The following CHL1 variants were observed in gnomAD, a reference collection of about 807,000 sequenced individuals.
The protein encoded by CHL1 is cell adhesion molecule L1 like.
Under a neutral mutation model 141.9 loss-of-function variants are expected in CHL1, and 96 were observed. The ratio of observed to expected loss-of-function variants is 0.68; its 90% CI spans 0.57 to 0.80. CHL1 has a LOEUF of 0.80. Ranked by LOEUF, CHL1 falls within the 30% of genes least tolerant of loss-of-function variation. CHL1 has a pLI of 0.00. For synonymous variants in CHL1, 613 were observed against 502.2 expected (o/e 1.22, Z -2.95); for missense variants, 1,820 against 1,457.2 (o/e 1.25, Z -4.05).
At chr3:233,563 A>G (rs1691624412) in intron 1 of CHL1, among the ~76,000 whole-genome samples, 1 of 152,114 alleles carries the variant, frequency 6.6e-6, no homozygotes, top group Admixed American at 6.6e-5. Flanking sequence ...TCTGCTTACC[A>G]CTTTCTTCCC....
chr3:263,249 A>G (rs1415725431), intron 2 of CHL1, among the ~76,000 whole-genome samples: 2 of 151,840 alleles, frequency 1.3e-5, no homozygotes, highest in African/African-American at 4.8e-5. Context: ...ACTCCTTGCC[A>G]GTTGTAAGAG....
chr3:378,819 A>G (rs76248730), intron 16 of CHL1, among the ~76,000 whole-genome samples: 1,526 of 152,154 alleles, frequency 0.01, 21 homozygotes, highest in African/African-American at 0.035. Context: ...TCCCACCACC[A>G]ATATTTCAAG....
intron 1 of CHL1, among the ~76,000 whole-genome samples, chr3:208,718 C>A (rs1213049394): frequency 6.6e-6 from 1 of 152,132 alleles, no homozygotes; most frequent in East Asian, 1.9e-4. Context: ...GTGGGGTTCA[C>A]AACTAACTCC....
intron 15 of CHL1, among the ~76,000 whole-genome samples, chr3:368,796 T>C (rs901698998): frequency 1.3e-5 from 2 of 152,212 alleles, no homozygotes; most frequent in Non-Finnish European, 2.9e-5. Flanking sequence ...GGGTTTACTT[T>C]CAGTTGTTTG....
chr3:204,769 C>G (rs1040055155), intron 1 of CHL1, among the ~76,000 whole-genome samples: 1 of 149,276 alleles, frequency 6.7e-6, no homozygotes, highest in Non-Finnish European at 1.5e-5. Flanking sequence ...CATTTCCATC[C>G]TTTCAGAAGA....
chr3:242,378 C>CCT (rs1417011416), intron 1 of CHL1, among the ~76,000 whole-genome samples: 2 of 140,834 alleles, frequency 1.4e-5, no homozygotes, highest in African/African-American at 2.6e-5. Flanking sequence ...GGGCAGATCA[C>CCT]GAGGTCAGGA....
chr3:261,377 G>C (rs73092565), intron 2 of CHL1, among the ~76,000 whole-genome samples: 1 of 150,442 alleles, frequency 6.6e-6, no homozygotes, highest in Non-Finnish European at 1.5e-5. Flanking sequence ...AAGGAAGGAG[G>C]GAGAGAGAGC....
At chr3:345,563 A>G (rs1702701197) in intron 9 of CHL1, among the ~76,000 whole-genome samples, 1 of 151,924 alleles carries the variant, frequency 6.6e-6, no homozygotes, top group Non-Finnish European at 1.5e-5. Flanking sequence ...AGCTCACTGC[A>G]ACCTCTGCCT....
rs761188035 is a variant in CHL1 at position 405,482 on chromosome 3, G to T, written c.3459-13G>T. ...AGATTTTGTTGAGCTATTTTTGTTT[G>T]TTTGTTTTCTAGTGACAGTGATGAA... On this transcript the variant is annotated splice_polypyrimidine_tract_variant and intron_variant, in intron 27 of 27. Transcript: ENST00000256509. 1.9e-6 allele frequency: 3 copies of T among 1,577,174 alleles called. No individual in the cohort carries two copies. The highest frequency in any genetic ancestry group is 1.1e-5 in the South Asian group (1 of 89,610).
chr3:338,948 A>G (rs1043313666), intron 5 of CHL1, among the ~76,000 whole-genome samples: 15 of 152,184 alleles, frequency 9.9e-5, no homozygotes, highest in African/African-American at 3.6e-4. Flanking sequence ...GGATTTATAC[A>G]TCTTATTAAT....
At chr3:282,990 C>A (rs1049634301) in intron 2 of CHL1, among the ~76,000 whole-genome samples, 2 of 152,152 alleles carry the variant, frequency 1.3e-5, no homozygotes, top group Non-Finnish European at 2.9e-5. Flanking sequence ...TTTGGGGCAT[C>A]TGGTGGTTTT....
chr3:325,716 C>T (rs1700952146), intron 3 of CHL1, among the ~76,000 whole-genome samples: 1 of 151,868 alleles, frequency 6.6e-6, no homozygotes, highest in Non-Finnish European at 1.5e-5. Flanking sequence ...CTATAAAAAT[C>T]ATTAAATTAT....
intron 1 of CHL1, among the ~76,000 whole-genome samples, chr3:215,786 G>T (rs973145162): frequency 1.3e-5 from 2 of 151,982 alleles, no homozygotes; most frequent in African/African-American, 4.8e-5. Flanking sequence ...TCTGTGCATT[G>T]AAGCATCTCT....
At chr3:297,794 G>C (rs1221110817) in intron 2 of CHL1, among the ~76,000 whole-genome samples, 1 of 152,140 alleles carries the variant, frequency 6.6e-6, no homozygotes, top group Admixed American at 6.5e-5. Context: ...CATCTCTGCA[G>C]TATTGAAAAA....
intron 2 of CHL1, among the ~76,000 whole-genome samples, chr3:276,611 T>C (rs13081885): frequency 0.46 from 69,879 of 151,438 alleles, 19,248 homozygotes; most frequent in Non-Finnish European, 0.6. Context: ...GCTCTGGGGC[T>C]GGGCACGGTG....
At chr3:340,076 C>G (rs528403249) in intron 5 of CHL1, among the ~76,000 whole-genome samples, 1 of 152,238 alleles carries the variant, frequency 6.6e-6, no homozygotes, top group Admixed American at 6.5e-5. Flanking sequence ...TGTTAGATTT[C>G]AAATTCTGCA....
rs138007329 is a variant in CHL1, at chr3:312,429, C to A, written c.-94-7254C>A. 2.4e-3 allele frequency among the ~76,000 whole-genome samples: 365 copies of A among 152,286 alleles called. 4 individuals are homozygous for A. Among genetic ancestry groups the A allele is most frequent in the African/African-American group, 8.6e-3 (356 of 41,566 alleles). The stretch of plus-strand genomic sequence containing the variant: ...GCCATTAACAGTTATTTCAGGATTA[C>A]TGTGTTTATGACACTTGTAAATTGA... On this transcript the variant is annotated intron_variant, in intron 2 of 27. Transcript: ENST00000256509.
intron 20 of CHL1, among the ~76,000 whole-genome samples, chr3:389,972 G>T (rs550173127): frequency 6.6e-6 from 1 of 152,090 alleles, no homozygotes; most frequent in Non-Finnish European, 1.5e-5. Flanking sequence ...GCTGCAAATA[G>T]GTTATTGGAA....
intron 2 of CHL1, among the ~76,000 whole-genome samples, chr3:249,802 C>G (rs529264353): frequency 1.3e-5 from 2 of 152,166 alleles, no homozygotes; most frequent in South Asian, 4.2e-4. Context: ...TATATCAAGC[C>G]TTATGTAATT....
Sources: gnomAD v4.1 joint callset for allele counts (sites outside exome capture counted in the v4.1 genomes callset) on GRCh38, gnomAD v4.1.1 for gene constraint, MANE v1.5 for transcripts, NCBI Gene and HGNC (gene_info 2026-07-23, HGNC 2026-07-21) for gene names.